The following KIF13A variants were observed in gnomAD, a reference collection of about 807,000 sequenced individuals.
KIF13A encodes kinesin family member 13A, also known as kinesin-like protein KIF13A.
In KIF13A, 79 loss-of-function variants were observed where a neutral mutation model predicts 212.2. The observed-to-expected ratio is 0.37, with a 90% CI of 0.31 to 0.45. The LOEUF is 0.45. Ranked by LOEUF, KIF13A falls within the 20% of genes least tolerant of loss-of-function variation. The probability of loss-of-function intolerance (pLI) is 1.00; values close to 1 mark genes in which losing one functional copy is unlikely to be tolerated. For missense variants in KIF13A, 1,901 were observed against 2,209.0 expected (o/e 0.86, Z 2.79); for synonymous variants, 789 against 808.6 (o/e 0.98, Z 0.41).
intron 9 of KIF13A, among the ~76,000 whole-genome samples, chr6:17,842,033 G>A (rs55970943): frequency 0.065 from 9,093 of 140,780 alleles, 361 homozygotes; most frequent in Non-Finnish European, 0.079. Context: ...GTGTGTGTGT[G>A]TATACACTTA....
rs1406275862 is a variant in KIF13A, at chr6:17,898,924, C to A, written c.147-744G>T. On this transcript the variant is annotated intron_variant, in intron 2 of 38. Coordinates refer to ENST00000259711, the MANE Select transcript of KIF13A (RefSeq NM_022113.6). The surrounding 1 kb of genome is among the most constrained non-coding windows in gnomAD (Gnocchi z 5.2). ...GATCATGGCTCAGTGCAACCTTGAA[C>A]TCCTGGGCTCAACTGATCCTCCTAC... Among the ~76,000 whole-genome samples the A allele has an allele frequency of 6.6e-6, 1 of 152,160 alleles. No homozygotes were observed. Among genetic ancestry groups the A allele is most frequent in the Non-Finnish European group, 1.5e-5 (1 of 68,040 alleles).
intron 22 of KIF13A, among the ~76,000 whole-genome samples, chr6:17,797,191 G>A (rs557816965): frequency 6.9e-4 from 105 of 151,982 alleles, no homozygotes; most frequent in African/African-American, 2.4e-3. Context: ...CACCACGCCC[G>A]GCTATTTTTT....
At position 17,837,037 on chromosome 6, in the gene KIF13A, G is replaced by A. The variant is rs201609449; in HGVS notation, c.996C>T (p.Ala332=). 3.9e-5 allele frequency: 63 copies of A among 1,613,828 alleles called. No individual in the cohort carries two copies. The highest frequency in any genetic ancestry group is 6.6e-5 in the South Asian group (6 of 91,082). Residue 332 remains alanine, a synonymous_variant, in exon 11 of 39, where the codon GCC becomes GCT. Transcript: ENST00000259711. This position sits in a 1 kb window ranked among gnomAD's most constrained non-coding sequence, Gnocchi z 5.4. ...QTSMIATISP[A]ADNYEETLST... ...AGAGGGTCTCTTCATAGTTGTCTGC[G>A]GCTGGGCTGATTGTGGCTATCATAG...
chr6:17,807,289 G>A (rs1266339167), intron 18 of KIF13A, among the ~76,000 whole-genome samples: 2 of 152,084 alleles, frequency 1.3e-5, no homozygotes, highest in African/African-American at 2.4e-5. Flanking sequence ...ATGCAAGTAG[G>A]AGATATATTG....
At chr6:17,847,956 C>T (rs867580049) in intron 9 of KIF13A, among the ~76,000 whole-genome samples, 2 of 151,992 alleles carry the variant, frequency 1.3e-5, no homozygotes, top group Non-Finnish European at 2.9e-5. Flanking sequence ...GGATTACAGG[C>T]GCCTGCCACC....
At chr6:17,853,320 A>T (rs73371162) in intron 6 of KIF13A, among the ~76,000 whole-genome samples, 4,337 of 152,284 alleles carry the variant, frequency 0.028, 203 homozygotes, top group African/African-American at 0.098. Context: ...ATTCAGCAGC[A>T]AGAAAAAGCA....
chr6:17,764,304 A>G lies in KIF13A; in HGVS notation c.5224T>C (p.Ser1742Pro), dbSNP rs1327225774. 1.2e-6 allele frequency: 2 copies of G among 1,613,922 alleles called. No individual in the cohort carries two copies. Among genetic ancestry groups the G allele is most frequent in the Non-Finnish European group, 1.7e-6 (2 of 1,179,876 alleles). ...DHSFTEFMGV[S>P]EGKDFDGLTD... ...AAACCATCAAAATCTTTTCCCTCTG[A>G]CACTCCCATAAATTCTGTGAAAGAA... The change falls in exon 39 of 39, where the codon TCA becomes CCA. Residue 1742 changes from serine to proline, a missense_variant. Transcript: ENST00000259711. This position sits in a 1 kb window ranked among gnomAD's most constrained non-coding sequence, Gnocchi z 5.1.
At chr6:17,924,282 T>A (rs1561767666) in intron 2 of KIF13A, among the ~76,000 whole-genome samples, 1 of 152,194 alleles carries the variant, frequency 6.6e-6, no homozygotes, top group Non-Finnish European at 1.5e-5. Flanking sequence ...CTGACACTAA[T>A]TACAATACTA....
chr6:17,778,874 A>G (rs1410183464), intron 33 of KIF13A, 73 bp downstream of exon 33: 11 of 1,506,418 alleles, frequency 7.3e-6, no homozygotes, highest in Non-Finnish European at 9.9e-6. Flanking sequence ...GTGTTTGGTA[A>G]GTAAATTCAT....
In KIF13A at chr6:17,764,743, A is replaced by G. The variant is rs769119121; in HGVS notation, c.4785T>C (p.Ile1595=). 2.4e-5 allele frequency: 38 copies of G among 1,613,016 alleles called. 1 individual carries two copies. The highest frequency in any genetic ancestry group is 3.3e-4 in the Middle Eastern group (2 of 6,084). Residue 1595 remains isoleucine (I), a synonymous_variant, in exon 39 of 39, where the codon ATT becomes ATC. Transcript: ENST00000259711. This position sits in a 1 kb window ranked among gnomAD's most constrained non-coding sequence, Gnocchi z 5.1. ...CACTGTGGGAAAAGTAGCCACTGGT[A>G]ATACTGCTGGTGGTAGGGCTACGGG... ...EVSRSPTTSS[I]TSGYFSHSAS...
intron 7 of KIF13A, among the ~76,000 whole-genome samples, 156 bp downstream of exon 7, chr6:17,851,799 C>G (rs919810883): frequency 1.3e-5 from 2 of 152,222 alleles, no homozygotes; most frequent in African/African-American, 2.4e-5. Flanking sequence ...ATTAAAAGCC[C>G]TTTTCCTCTC....
chr6:17,941,229 G>C (rs759043963), intron 2 of KIF13A, among the ~76,000 whole-genome samples: 1 of 152,146 alleles, frequency 6.6e-6, no homozygotes, highest in Non-Finnish European at 1.5e-5. Flanking sequence ...CCACTAAGAA[G>C]CTGCTGTCAC....
rs193226075 is a variant in KIF13A, at chr6:17,916,060, C to T, written c.147-17880G>A. 5.7e-4 allele frequency among the ~76,000 whole-genome samples: 87 copies of T among 152,254 alleles called. No homozygotes were observed. In the East Asian group the frequency reaches 0.015, roughly 27 times the overall value. The stretch of plus-strand genomic sequence containing the variant: ...ACTGGGCAGGATGGCGTTTCTCATC[C>T]TGATTCCCAATACAGACCTGGGAGC... On this transcript the variant is annotated intron_variant, in intron 2 of 38. Transcript: ENST00000259711.
rs547669455 is a variant in KIF13A at position 17,899,532 on chromosome 6, T to C, written c.147-1352A>G. Among the ~76,000 whole-genome samples, 37 of 152,264 alleles carry C rather than the reference T, an allele frequency of 2.4e-4. No individual in the cohort carries two copies. Among genetic ancestry groups the C allele is most frequent in the Non-Finnish European group, 4.4e-4 (30 of 68,022 alleles). On this transcript the variant is annotated intron_variant, in intron 2 of 38. Coordinates refer to ENST00000259711, the MANE Select transcript of KIF13A (RefSeq NM_022113.6). The surrounding 1 kb of genome is among the most constrained non-coding windows in gnomAD (Gnocchi z 5.2). Reference sequence around the variant, plus strand: ...AGCTCAGTAGCAGGGAAAAAAAATGTCCAATCACATGCATAATTCTACGCT... The same window carrying C: ...AGCTCAGTAGCAGGGAAAAAAAATGCCCAATCACATGCATAATTCTACGCT...
intron 2 of KIF13A, chr6:17,950,713 C>G: frequency 4.1e-6 from 4 of 983,510 alleles, no homozygotes; most frequent in Non-Finnish European, 4.8e-6. Context: ...GCCTAAAAAA[C>G]GAAATATATG....
At position 17,838,300 on chromosome 6, in the gene KIF13A, G is replaced by A. The variant is rs946900121; in HGVS notation, c.831-717C>T. Among the ~76,000 whole-genome samples the A allele has an allele frequency of 4.7e-5, 7 of 150,200 alleles. No homozygotes were observed. The highest frequency in any genetic ancestry group is 2.1e-4 in the South Asian group (1 of 4,744). On this transcript the variant is annotated intron_variant, in intron 9 of 38. Coordinates refer to ENST00000259711, the MANE Select transcript of KIF13A (RefSeq NM_022113.6). The surrounding 1 kb of genome is among the most constrained non-coding windows in gnomAD (Gnocchi z 4.2). ...CGCGCCACTGTACTCCAGCCTGGGC[G>A]ACAGAGCAAGACTCCATCTCAAAAA...
chr6:17,870,281 C>T (rs1449887545), intron 4 of KIF13A, among the ~76,000 whole-genome samples: 1 of 152,130 alleles, frequency 6.6e-6, no homozygotes, highest in African/African-American at 2.4e-5. Flanking sequence ...GGACATGGTA[C>T]TCAATGTGAT....
chr6:17,953,303 AC>A (rs748800166), intron 2 of KIF13A, among the ~76,000 whole-genome samples: 1 of 152,116 alleles, frequency 6.6e-6, no homozygotes, highest in Non-Finnish European at 1.5e-5. Flanking sequence ...CTGAACACAC[AC>A]CCATATTCTC....
intron 16 of KIF13A, among the ~76,000 whole-genome samples, chr6:17,822,955 C>T (rs571651382): frequency 6.6e-6 from 1 of 152,284 alleles, no homozygotes; most frequent in African/African-American, 2.4e-5. Flanking sequence ...TCTTAACACT[C>T]TACTCTTACT....
Sources: gnomAD v4.1 joint callset for allele counts (sites outside exome capture counted in the v4.1 genomes callset) on GRCh38, gnomAD v4.1.1 for gene constraint, Gnocchi (gnomAD v3.1) non-coding constraint, MANE v1.5 for transcripts, NCBI Gene and HGNC (gene_info 2026-07-23, HGNC 2026-07-21) for gene names.